SMAP1: variants seen among roughly 807,000 people sequenced by gnomAD.
SMAP1 encodes stromal membrane-associated protein 1.
A neutral mutation model predicts 58.5 loss-of-function variants in SMAP1; 24 were observed. The observed-to-expected ratio is 0.41, with a 90% CI of 0.30 to 0.58. The LOEUF (loss-of-function observed/expected upper bound fraction) is 0.58, where lower values mean the gene tolerates loss of function less well. Ranked by LOEUF, SMAP1 falls within the 20% of genes least tolerant of loss-of-function variation. The pLI, the probability that SMAP1 is intolerant of heterozygous loss-of-function variation, is 0.29. For missense variants in SMAP1, 563 were observed against 566.3 expected, an observed-to-expected ratio of 0.99 and a Z score of 0.06; for synonymous variants, 216 against 196.6, an observed-to-expected ratio of 1.10 and a Z score of -0.82.
chr6:70,776,208 G>C (rs1456605607), intron 4 of SMAP1, among the ~76,000 whole-genome samples: 2 of 152,048 alleles, frequency 1.3e-5, no homozygotes, highest in East Asian at 3.8e-4. Context: ...TTTTGAGACA[G>C]AGTCTCGCTC....
At chr6:70,824,197 T>TCCAA (rs1246734791) in intron 6 of SMAP1, among the ~76,000 whole-genome samples, 1 of 152,188 alleles carries the variant, frequency 6.6e-6, no homozygotes, top group African/African-American at 2.4e-5. Context: ...TTCAGCTTTT[T>TCCAA]ACTCGTTAAA....
At chr6:70,829,834 A>G (rs1388639198) in intron 6 of SMAP1, among the ~76,000 whole-genome samples, 2 of 152,216 alleles carry the variant, frequency 1.3e-5, no homozygotes, top group African/African-American at 2.4e-5. Context: ...TCTTGTCTAC[A>G]TTAACTGGCC....
chr6:70,779,781 T>G (rs940418452), intron 4 of SMAP1, among the ~76,000 whole-genome samples: 2 of 152,290 alleles, frequency 1.3e-5, no homozygotes, highest in Admixed American at 6.5e-5. Flanking sequence ...ATCCAGGTTG[T>G]GTGCTCCATT....
At chr6:70,673,815 T>C (rs529458187) in intron 1 of SMAP1, among the ~76,000 whole-genome samples, 2 of 152,334 alleles carry the variant, frequency 1.3e-5, no homozygotes, top group South Asian at 2.1e-4. Flanking sequence ...ATGGAAATCA[T>C]TGGTCTCTGA....
At chr6:70,678,122 T>C (rs1028480263) in intron 1 of SMAP1, among the ~76,000 whole-genome samples, 4 of 152,254 alleles carry the variant, frequency 2.6e-5, no homozygotes, top group African/African-American at 9.6e-5. Context: ...GAGTGATAAA[T>C]GTGAGGACCT....
chr6:70,811,371 C>T (rs146532249), intron 6 of SMAP1, among the ~76,000 whole-genome samples: 172 of 152,230 alleles, frequency 1.1e-3, no homozygotes, highest in African/African-American at 4.0e-3. Flanking sequence ...TGTTAAATGC[C>T]CCCTGGGAAG....
chr6:70,723,603 A>G (rs1422247984), intron 1 of SMAP1, among the ~76,000 whole-genome samples: 1 of 152,116 alleles, frequency 6.6e-6, no homozygotes, highest in Non-Finnish European at 1.5e-5. Flanking sequence ...CTGATACACT[A>G]TTACTTTCAC....
At chr6:70,822,324 A>T (rs1769925005) in intron 6 of SMAP1, among the ~76,000 whole-genome samples, 1 of 152,210 alleles carries the variant, frequency 6.6e-6, no homozygotes, top group African/African-American at 2.4e-5. Context: ...TAGTCCTCAC[A>T]ATAGTTATAT....
intron 6 of SMAP1, among the ~76,000 whole-genome samples, chr6:70,811,192 C>T (rs1477207825): frequency 6.6e-6 from 1 of 152,094 alleles, no homozygotes; most frequent in Admixed American, 6.5e-5. Flanking sequence ...CTACTCTGTG[C>T]CTCAGTTTCT....
chr6:70,738,356 A>C (rs1765692291), intron 2 of SMAP1, among the ~76,000 whole-genome samples: 1 of 152,010 alleles, frequency 6.6e-6, no homozygotes, highest in South Asian at 2.1e-4. Flanking sequence ...AAGTCAAAAG[A>C]GTGTGAAAAG....
At chr6:70,786,655 C>T (rs1397677476) in intron 4 of SMAP1, among the ~76,000 whole-genome samples, 1 of 152,130 alleles carries the variant, frequency 6.6e-6, no homozygotes, top group Non-Finnish European at 1.5e-5. Context: ...TCTTATACAT[C>T]AATAACAGAC....
chr6:70,802,814 AT>A (rs1305493040), intron 6 of SMAP1, among the ~76,000 whole-genome samples: 3 of 152,024 alleles, frequency 2.0e-5, no homozygotes, highest in Non-Finnish European at 4.4e-5. Context: ...ACGTTTATCG[AT>A]TTGCGTATGT....
chr6:70,667,962 C>G lies in SMAP1; in HGVS notation c.-62C>G, dbSNP rs1303429371. 1.4e-6 allele frequency: 2 copies of G among 1,451,918 alleles called. No homozygotes were observed. The highest frequency in any genetic ancestry group is 9.3e-7 in the Non-Finnish European group (1 of 1,071,226). 89.9% of individuals were successfully genotyped at this position (1,451,918 alleles called of 1,614,324 possible). A position where few individuals can be genotyped will look rare whatever the true frequency, so the allele number is the denominator to read the frequency against. On this transcript the variant is annotated 5_prime_UTR_variant, in exon 1 of 11. Transcript: ENST00000370455. ...GCGGCGCCAGGTGCGTTCACTCTGC[C>G]CGGCTCCAGCCAGCGTCCGCCGCCG...
At chr6:70,736,383 C>G (rs1765618939) in intron 2 of SMAP1, among the ~76,000 whole-genome samples, 2 of 152,034 alleles carry the variant, frequency 1.3e-5, no homozygotes, top group Admixed American at 1.3e-4. Context: ...AATACTATAG[C>G]TTCCTTCCCC....
chr6:70,744,916 A>G (rs1188208872), intron 2 of SMAP1, among the ~76,000 whole-genome samples: 2 of 152,354 alleles, frequency 1.3e-5, no homozygotes, highest in East Asian at 3.9e-4. Context: ...CATTTGTCTG[A>G]TGACCAGTGA....
At chr6:70,752,342 A>G (rs1238948086) in intron 2 of SMAP1, among the ~76,000 whole-genome samples, 1 of 152,180 alleles carries the variant, frequency 6.6e-6, no homozygotes, top group Non-Finnish European at 1.5e-5. Flanking sequence ...AAAATCATTG[A>G]TGGGTGATGT....
chr6:70,843,128 A>T (rs994724838), intron 7 of SMAP1, among the ~76,000 whole-genome samples: 17 of 151,950 alleles, frequency 1.1e-4, no homozygotes, highest in African/African-American at 3.9e-4. Context: ...TTTAGGGTAG[A>T]GAGTATTTTA....
At chr6:70,670,623 A>T (rs528388896) in intron 1 of SMAP1, among the ~76,000 whole-genome samples, 13 of 152,222 alleles carry the variant, frequency 8.5e-5, no homozygotes, top group Non-Finnish European at 1.5e-4. Context: ...AAGAAGTTTC[A>T]TTCTGTGTAT....
chr6:70,743,272 G>T (rs1277012679), intron 2 of SMAP1, among the ~76,000 whole-genome samples: 1 of 152,164 alleles, frequency 6.6e-6, no homozygotes, highest in Non-Finnish European at 1.5e-5. Flanking sequence ...CTACCTGATG[G>T]CATTTTGAAG....
Sources: gnomAD v4.1 joint callset for allele counts (sites outside exome capture counted in the v4.1 genomes callset) on GRCh38, gnomAD v4.1.1 for gene constraint, MANE v1.5 for transcripts, NCBI Gene and HGNC (gene_info 2026-07-23, HGNC 2026-07-21) for gene names.